MTTP: variants seen among roughly 807,000 people sequenced by gnomAD.
MTTP encodes microsomal triglyceride transfer protein.
A neutral mutation model predicts 90.6 loss-of-function variants in MTTP; 49 were observed. That is an observed-to-expected ratio of 0.54 (90% confidence interval 0.43 to 0.69). The LOEUF (loss-of-function observed/expected upper bound fraction) is 0.69, where lower values mean the gene tolerates loss of function less well. MTTP is among the 30% of genes least tolerant of loss of function. The pLI, the probability that MTTP is intolerant of heterozygous loss-of-function variation, is 0.00. For missense variants in MTTP, 945 were observed against 1,067.5 expected, an observed-to-expected ratio of 0.89 and a Z score of 1.60; for synonymous variants, 347 against 384.2, an observed-to-expected ratio of 0.90 and a Z score of 1.13.
chr4:99,611,521 A>G, intron 14 of MTTP, 68 bp downstream of exon 14: 2 of 1,571,806 alleles, frequency 1.3e-6, no homozygotes, highest in Non-Finnish European at 1.7e-6. Context: ...AAAATAAAAC[A>G]TATATGCTGT....
chr4:99,576,674 G>A (rs969605389), intron 1 of MTTP, among the ~76,000 whole-genome samples: 6 of 110,106 alleles, frequency 5.4e-5, no homozygotes, highest in African/African-American at 1.5e-4. Context: ...CAGCCTGGGC[G>A]ACAGAGCGAG....
At position 99,583,458 on chromosome 4, in the gene MTTP, G is replaced by A; in HGVS notation, c.334G>A (p.Gly112Arg). 6.2e-7 allele frequency: 1 copy of A among 1,613,580 alleles called. No individual in the cohort carries two copies. The highest frequency in any genetic ancestry group is 8.5e-7 in the Non-Finnish European group (1 of 1,179,790). Residue 112 changes from glycine to arginine, a missense_variant, in exon 3 of 18, where the codon GGA (glycine) becomes AGA (arginine). Coordinates refer to ENST00000265517, the MANE Select transcript of MTTP (RefSeq NM_001386140.1). ...FKGKSPSKIM[G>R]KENLEALQRP... Reference sequence around the variant, plus strand: ...AGGAAAAAGCCCATCTAAAATAATGGGAAAGGAAAACTTGGAAGCTCTGCA... The same window carrying A: ...AGGAAAAAGCCCATCTAAAATAATGAGAAAGGAAAACTTGGAAGCTCTGCA...
At chr4:99,619,996 G>C (rs1287733468) in intron 16 of MTTP, among the ~76,000 whole-genome samples, 1 of 152,146 alleles carries the variant, frequency 6.6e-6, no homozygotes, top group African/African-American at 2.4e-5. Context: ...TGAATTCTTT[G>C]CAAAGAGAAA....
intron 17 of MTTP, among the ~76,000 whole-genome samples, chr4:99,622,152 C>T (rs1317258675): frequency 6.6e-6 from 1 of 152,168 alleles, no homozygotes; most frequent in Admixed American, 6.5e-5. Flanking sequence ...TAAGTTATAT[C>T]TAGAATGAAC....
At chr4:99,577,834 T>C (rs1418078560) in intron 1 of MTTP, among the ~76,000 whole-genome samples, 2 of 152,158 alleles carry the variant, frequency 1.3e-5, no homozygotes, top group Non-Finnish European at 2.9e-5. Context: ...TTTCCTTATA[T>C]AGTATTTTTA....
intron 10 of MTTP, among the ~76,000 whole-genome samples, chr4:99,604,111 A>G (rs1160555978): frequency 2.0e-5 from 3 of 152,180 alleles, no homozygotes; most frequent in Admixed American, 2.0e-4. Context: ...CTGCTGTGAA[A>G]CACTCATCTA....
Position 99,622,859 on chromosome 4 carries a change from T to A in MTTP, c.*11T>A. ...AGCGGATGGTTTTGAAACTGACCTG[T>A]GATATTTTACTTGAATTTGTCTCCC... On this transcript the variant is annotated 3_prime_UTR_variant, in exon 18 of 18. Transcript: ENST00000265517. 3.1e-6 allele frequency: 5 copies of A among 1,613,664 alleles called. No individual in the cohort carries two copies. The highest frequency in any genetic ancestry group is 4.2e-6 in the Non-Finnish European group (5 of 1,179,570).
chr4:99,580,457 A>T (rs984889330), intron 1 of MTTP, among the ~76,000 whole-genome samples: 4 of 150,844 alleles, frequency 2.7e-5, no homozygotes, highest in Non-Finnish European at 4.4e-5. Context: ...CACCTGTATT[A>T]CTAGCTACTC....
chr4:99,615,746 C>G (rs1259186635), intron 15 of MTTP, among the ~76,000 whole-genome samples: 3 of 152,202 alleles, frequency 2.0e-5, no homozygotes, highest in African/African-American at 7.2e-5. Context: ...AGAAAGATGT[C>G]TCATAAAGTC....
Position 99,618,996 on chromosome 4 carries a change from T to G in MTTP, c.2240T>G (p.Leu747Arg). ...HSQELQLQSG[L>R]KANIEVQGGL... ...TAGGAACTTCAGTTACAATCTGGAC[T>G]AAAAGCCAATATAGAGGTCCAGGGT... Residue 747 changes from leucine (L) to arginine (R), a missense_variant, in exon 16 of 18, where the codon CTA becomes CGA. Physicochemically the swap from Leu to Arg is moderately radical, Grantham distance 102. Coordinates refer to ENST00000265517, the MANE Select transcript of MTTP (RefSeq NM_001386140.1). 1 of 1,613,102 alleles carries G rather than the reference T, an allele frequency of 6.2e-7. No individual in the cohort carries two copies. The highest frequency in any genetic ancestry group is 8.5e-7 in the Non-Finnish European group (1 of 1,179,154).
chr4:99,574,767 T>C, upstream of MTTP: 1 of 1,569,280 alleles, frequency 6.4e-7, no homozygotes, highest in South Asian at 1.2e-5. Context: ...TTTTGGAGTT[T>C]GGAGTCTGAC....
In MTTP at chr4:99,611,192, C is replaced by A; in HGVS notation, c.1819C>A (p.Arg607Ser). 6.2e-7 allele frequency: 1 copy of A among 1,613,934 alleles called. No individual in the cohort carries two copies. The highest frequency in any genetic ancestry group is 8.5e-7 in the Non-Finnish European group (1 of 1,179,970). Residue 607 changes from arginine to serine, a missense_variant, in exon 13 of 18, where the codon CGT (arginine) becomes AGT (serine). By Grantham distance (110) the Arg-to-Ser change is moderately radical. Transcript: ENST00000265517. ...GGAAATGGTCGCTCACAATTATGAC[C>A]GTTTCTCCAGGAGTGGATCTTCTTC... ...LKEMVAHNYDRFSRSGSSSAY... is the reference protein window; with the variant it reads ...LKEMVAHNYDSFSRSGSSSAY...
At chr4:99,601,016 G>A (rs1725683875) in intron 9 of MTTP, among the ~76,000 whole-genome samples, 1 of 151,990 alleles carries the variant, frequency 6.6e-6, no homozygotes, top group Admixed American at 6.6e-5. Context: ...ATTTCAGAGG[G>A]GAGAAATCTA....
At position 99,623,531 on chromosome 4, in the gene MTTP, G is replaced by A. The variant is rs1726297640; in HGVS notation, c.*683G>A. 6.5e-6 allele frequency: 1 copy of A among 152,966 alleles called. No individual in the cohort carries two copies. Among genetic ancestry groups the A allele is most frequent in the African/African-American group, 2.4e-5 (1 of 41,442 alleles). 9.5% of individuals were successfully genotyped at this position (152,966 alleles called of 1,614,324 possible). A position where few individuals can be genotyped will look rare whatever the true frequency, so the allele number is the denominator to read the frequency against. Reference sequence around the variant, plus strand: ...AAAGACATTCAGGTCTCTACCTCCAGCCCTGCAAAAATATTGGACCTAGCA... The same window carrying A: ...AAAGACATTCAGGTCTCTACCTCCAACCCTGCAAAAATATTGGACCTAGCA... On this transcript the variant is annotated 3_prime_UTR_variant, in exon 18 of 18. Transcript: ENST00000265517.
At chr4:99,572,032 G>A (rs1724852552), upstream of MTTP, among the ~76,000 whole-genome samples, 1 of 151,508 alleles carries the variant, frequency 6.6e-6, no homozygotes, top group African/African-American at 2.4e-5. Flanking sequence ...AACCTTTAGT[G>A]GGGTGAAGTT....
In MTTP at chr4:99,622,803, G is replaced by T; in HGVS notation, c.2640G>T (p.Val880=). The stretch of plus-strand genomic sequence containing the variant: ...AAGAGAACTCAGAGATGTGCAAAGT[G>T]GTGTTTGCCCCTCAGCCGGATAGTA... ...LHQENSEMCK[V]VFAPQPDSTS... is the part of the protein sequence containing the mutation. The change falls in exon 18 of 18, where the codon GTG becomes GTT. Residue 880 remains valine (V), a synonymous_variant. Coordinates refer to ENST00000265517, the MANE Select transcript of MTTP (RefSeq NM_001386140.1). 6.2e-7 allele frequency: 1 copy of T among 1,614,108 alleles called. No individual in the cohort carries two copies. The highest frequency in any genetic ancestry group is 8.5e-7 in the Non-Finnish European group (1 of 1,179,988).
chr4:99,584,940 C>T (rs1005998643), intron 3 of MTTP, among the ~76,000 whole-genome samples: 2 of 152,082 alleles, frequency 1.3e-5, no homozygotes, highest in African/African-American at 4.8e-5. Flanking sequence ...TTTCCAAACC[C>T]CTGGGCCTAT....
At chr4:99,621,267 T>TG (rs1726224668) in intron 17 of MTTP, 36 bp downstream of exon 17, 8 of 1,606,214 alleles carry the variant, frequency 5.0e-6, no homozygotes, top group African/African-American at 2.7e-5. Context: ...TCCAGGACCA[T>TG]CCCCAGTGCA....
In MTTP at chr4:99,611,145, A is replaced by G; in HGVS notation, c.1772A>G (p.Lys591Arg). ...DILRFEMPAS[K>R]IVRRVLKEMV... is the part of the protein sequence containing the mutation. ...TTTTTTTTCCTCATATGTTGCAGCA[A>G]AATTGTCCGTCGAGTTCTGAAGGAA... The change falls in exon 13 of 18, where the codon AAA (lysine) becomes AGA (arginine). Residue 591 changes from lysine to arginine, a missense_variant and splice_region_variant. By Grantham distance (26) the Lys-to-Arg change is conservative (BLOSUM62 2). Coordinates refer to ENST00000265517, the MANE Select transcript of MTTP (RefSeq NM_001386140.1). 2 of 1,613,872 alleles carry G rather than the reference A, an allele frequency of 1.2e-6. No homozygotes were observed. The highest frequency in any genetic ancestry group is 1.1e-5 in the South Asian group (1 of 91,062).
Sources: allele counts gnomAD v4.1 joint callset (sites outside exome capture counted in the v4.1 genomes callset), GRCh38; gene constraint gnomAD v4.1.1; transcripts MANE v1.5; gene names NCBI Gene and HGNC (gene_info 2026-07-23, HGNC 2026-07-21).